The following C16orf96 variants were observed in gnomAD, a reference collection of about 807,000 sequenced individuals.
C16orf96 encodes chromosome 16 open reading frame 96, also known as uncharacterized protein C16orf96.
C16orf96 carries 108 observed loss-of-function variants against 103.6 expected under a neutral mutation model. That is an observed-to-expected ratio of 1.04 (90% CI 0.89 to 1.22). The LOEUF (loss-of-function observed/expected upper bound fraction) is 1.22. C16orf96 is among the 50% of genes most tolerant of loss of function. The pLI, the probability that C16orf96 is intolerant of heterozygous loss-of-function variation, is 0.00. For missense variants in C16orf96, 1,586 were observed against 1,464.2 expected (o/e 1.08, Z -1.36); for synonymous variants, 566 against 593.5 (o/e 0.95, Z 0.67).
At chr16:4,546,457 C>T in the C16orf96 span, among the ~76,000 whole-genome samples, 1 of 104,552 alleles carries the variant, frequency 9.6e-6, no homozygotes, top group Non-Finnish European at 1.8e-5. Context: ...CGCGCCCGGA[C>T]TTTTTTTTTT....
chr16:4,589,950 C>T (rs1160474495), intron 9 of C16orf96, among the ~76,000 whole-genome samples: 2 of 151,456 alleles, frequency 1.3e-5, no homozygotes, highest in South Asian at 2.1e-4. Context: ...GGTGAAACCC[C>T]ATCTCTACTA....
chr16:4,556,875 A>G lies in C16orf96; in HGVS notation c.386A>G (p.Lys129Arg). ...CTGTGGCATCTGATCAAGCTCCGGA[A>G]GATGGTGGAGGGTCATGATGAAGTC... The part of the protein sequence containing the change: ...QDLWHLIKLR[K>R]MVEGHDEVMA... The change falls in exon 1 of 16, where the codon AAG becomes AGG. Residue 129 changes from lysine (K) to arginine (R), a missense_variant. By Grantham distance (26) the Lys-to-Arg change is conservative. Transcript: ENST00000444310. 1 of 1,550,024 alleles carries G rather than the reference A, an allele frequency of 6.5e-7. No individual in the cohort carries two copies. Among genetic ancestry groups the G allele is most frequent in the African/African-American group, 1.4e-5 (1 of 73,130 alleles).
At chr16:4,599,070 G>C (rs946754355) in intron 14 of C16orf96, among the ~76,000 whole-genome samples, 1 of 151,010 alleles carries the variant, frequency 6.6e-6, no homozygotes, top group African/African-American at 2.4e-5. Context: ...GTGCGCTCCA[G>C]CCTAGGTGAC....
the C16orf96 span, among the ~76,000 whole-genome samples, chr16:4,548,338 G>A: frequency 2.6e-5 from 4 of 152,140 alleles, no homozygotes; most frequent in South Asian, 2.1e-4. Flanking sequence ...CACCCAAGGC[G>A]CGCCTCTGAG....
chr16:4,557,025 A>G (rs1279283194), intron 1 of C16orf96, 116 bp downstream of exon 1: 2 of 1,227,004 alleles, frequency 1.6e-6, no homozygotes, highest in Non-Finnish European at 2.2e-6. Flanking sequence ...GCTGGAGTGC[A>G]GTGGTGTGAT....
chr16:4,548,297 C>G, the C16orf96 span, among the ~76,000 whole-genome samples: 1 of 152,188 alleles, frequency 6.6e-6, no homozygotes, highest in African/African-American at 2.4e-5. Flanking sequence ...GCAACGTTCA[C>G]TTTCTGCAGA....
In C16orf96 at chr16:4,581,136, G is replaced by GTATACATATATATATATATA. The variant is rs2059580617; in HGVS notation, c.2352+1016_2352+1035dup. ...CAAAACTCTGTCTAAAAATATATAT[G>GTATACATATATATATATATA]TATACATATATATATATATATATAT... On this transcript the variant is annotated intron_variant, in intron 7 of 15. Coordinates refer to ENST00000444310, the MANE Select transcript of C16orf96 (RefSeq NM_001145011.2). Among the ~76,000 whole-genome samples, 2 of 40,776 alleles carry GTATACATATATATATATATA rather than the reference G, an allele frequency of 4.9e-5. 1 individual carries two copies. Among genetic ancestry groups the GTATACATATATATATATATA allele is most frequent in the East Asian group, 1.7e-3 (2 of 1,146 alleles). The allele number at this position is 40,776 out of a possible 152,430, so 26.8% of individuals were successfully genotyped here. A position where few individuals can be genotyped will look rare whatever the true frequency, so the allele number is the denominator to read the frequency against.
At chr16:4,563,521 G>A (rs2059354688) in intron 1 of C16orf96, among the ~76,000 whole-genome samples, 1 of 151,932 alleles carries the variant, frequency 6.6e-6, no homozygotes, top group African/African-American at 2.4e-5. Flanking sequence ...CAAAGTGCTG[G>A]GATTACAGGC....
At chr16:4,586,955 T>C (rs2141748017) in intron 7 of C16orf96, 84 bp from the exon 8 acceptor site, 1 of 1,262,956 alleles carries the variant, frequency 7.9e-7, no homozygotes, top group Non-Finnish European at 1.1e-6. Context: ...CTCCCCAGCA[T>C]ATGGTAATGG....
intron 5 of C16orf96, among the ~76,000 whole-genome samples, chr16:4,577,869 A>T (rs895204099): frequency 1.3e-5 from 2 of 152,108 alleles, no homozygotes; most frequent in South Asian, 4.1e-4. Context: ...GACAGGAGAA[A>T]CACTTTGAAC....
intron 7 of C16orf96, among the ~76,000 whole-genome samples, chr16:4,584,713 G>T (rs1338297371): frequency 1.3e-5 from 2 of 151,876 alleles, no homozygotes; most frequent in African/African-American, 4.8e-5. Context: ...TTTTTATTTT[G>T]AGTAGAGACA....
At chr16:4,553,000 A>G (rs1215477017), upstream of C16orf96, among the ~76,000 whole-genome samples, 1 of 152,174 alleles carries the variant, frequency 6.6e-6, no homozygotes, top group Non-Finnish European at 1.5e-5. Flanking sequence ...TACTGTGTGC[A>G]GGGATCTGTG....
intron 3 of C16orf96, 26 bp from the exon 4 acceptor site, chr16:4,574,946 C>G: frequency 6.5e-7 from 1 of 1,548,224 alleles, no homozygotes. Context: ...GGCTCACAGC[C>G]CTCATTTTCT....
intron 1 of C16orf96, among the ~76,000 whole-genome samples, chr16:4,566,564 C>T (rs190109680): frequency 6.6e-6 from 1 of 152,248 alleles, no homozygotes; most frequent in Admixed American, 6.5e-5. Context: ...TGTATATATT[C>T]TGCATATACT....
chr16:4,569,697 C>G (rs1249052618), intron 1 of C16orf96, among the ~76,000 whole-genome samples: 1 of 86,396 alleles, frequency 1.2e-5, no homozygotes, highest in African/African-American at 2.9e-5. Flanking sequence ...GAGACTCTGT[C>G]TCAAAAAAAA....
rs1485182649 is a variant in C16orf96, at chr16:4,593,354, C to T, written c.2867+38C>T. On this transcript the variant is annotated intron_variant, in intron 12 of 15. Coordinates refer to ENST00000444310, the MANE Select transcript of C16orf96 (RefSeq NM_001145011.2). This position sits in a 1 kb window ranked among gnomAD's most constrained non-coding sequence, Gnocchi z 4.2. The stretch of plus-strand genomic sequence containing the variant: ...GGCGCCCCGCAGGGAGGCCGCCCCG[C>T]ATGGAGGCCACTCTGGAGCCTGGGA... 1 of 1,520,840 alleles carries T rather than the reference C, an allele frequency of 6.6e-7. No individual in the cohort carries two copies. Among genetic ancestry groups the T allele is most frequent in the Non-Finnish European group, 8.9e-7 (1 of 1,123,060 alleles). The allele number at this position is 1,520,840 out of a possible 1,614,324, so 94.2% of individuals were successfully genotyped here.
At chr16:4,540,591 G>C in the C16orf96 span, among the ~76,000 whole-genome samples, 1 of 151,874 alleles carries the variant, frequency 6.6e-6, no homozygotes. Flanking sequence ...AAATTAGCCC[G>C]GCATACACGC....
intron 1 of C16orf96, among the ~76,000 whole-genome samples, chr16:4,559,341 G>A (rs886188108): frequency 2.0e-5 from 3 of 151,828 alleles, no homozygotes; most frequent in East Asian, 1.9e-4. Flanking sequence ...TCAGGAGTTC[G>A]TGACCAGCCT....
intron 11 of C16orf96, 48 bp downstream of exon 11, chr16:4,592,415 C>T (rs1157355148): frequency 6.5e-7 from 1 of 1,544,918 alleles, no homozygotes; most frequent in Admixed American, 2.0e-5. Context: ...CTTGTGGGGC[C>T]CATGGAGGTC....
Sources: allele counts gnomAD v4.1 joint callset (sites outside exome capture counted in the v4.1 genomes callset), GRCh38; gene constraint gnomAD v4.1.1; non-coding constraint Gnocchi (gnomAD v3.1); transcripts MANE v1.5; gene names NCBI Gene and HGNC (gene_info 2026-07-23, HGNC 2026-07-21).